The following TANGO6 variants were observed in gnomAD, a reference collection of about 807,000 sequenced individuals.
TANGO6 encodes the protein transport and Golgi organization protein 6 homolog.
TANGO6 carries 90 observed loss-of-function variants against 114.2 expected under a neutral mutation model. That is an observed-to-expected ratio of 0.79 (90% CI 0.66 to 0.94). The LOEUF is 0.94. Among genes scored for constraint, TANGO6 ranks in the 40% least tolerant of loss-of-function variants. The pLI, the probability that TANGO6 is intolerant of heterozygous loss-of-function variation, is 0.00. For missense variants in TANGO6, 1,274 were observed against 1,315.3 expected, an observed-to-expected ratio of 0.97 and a Z score of 0.49; for synonymous variants, 477 against 509.8, an observed-to-expected ratio of 0.94 and a Z score of 0.87.
intron 7 of TANGO6, among the ~76,000 whole-genome samples, chr16:68,881,289 G>A (rs1962458364): frequency 6.6e-6 from 1 of 152,142 alleles, no homozygotes; most frequent in South Asian, 2.1e-4. Flanking sequence ...CGAGGAGAGT[G>A]GATCACCTGA....
intron 14 of TANGO6, among the ~76,000 whole-genome samples, 199 bp downstream of exon 14, chr16:68,930,494 T>C (rs2092723926): frequency 6.6e-6 from 1 of 152,132 alleles, no homozygotes; most frequent in Admixed American, 6.6e-5. Context: ...AGAGTTTCAG[T>C]GTCTCATAAT....
Position 68,887,827 on chromosome 16 carries a change from C to T in TANGO6, c.1377+7197C>T, listed in dbSNP as rs1281086601. ...CCGGGAGGCAGAGGTTGCAGTGAGCCGAGATCATGCCACTGCACTCCAGCC... is the reference window on the plus strand; with the variant it reads ...CCGGGAGGCAGAGGTTGCAGTGAGCTGAGATCATGCCACTGCACTCCAGCC... On this transcript the variant is annotated intron_variant, in intron 7 of 17. Transcript: ENST00000261778. 3.3e-5 allele frequency among the ~76,000 whole-genome samples: 5 copies of T among 151,990 alleles called. No individual in the cohort carries two copies. In the South Asian group the frequency reaches 6.3e-4, roughly 19 times the overall value.
At chr16:69,040,798 A>G (rs1431285519) in intron 17 of TANGO6, among the ~76,000 whole-genome samples, 1 of 152,128 alleles carries the variant, frequency 6.6e-6, no homozygotes, top group African/African-American at 2.4e-5. Flanking sequence ...CTGAATTACT[A>G]AAGGGCCTCA....
At chr16:68,992,650 T>C (rs1963955074) in intron 15 of TANGO6, among the ~76,000 whole-genome samples, 1 of 152,198 alleles carries the variant, frequency 6.6e-6, no homozygotes, top group African/African-American at 2.4e-5. Context: ...GTACATGTAT[T>C]TGTTTCTGTG....
intron 17 of TANGO6, among the ~76,000 whole-genome samples, chr16:69,045,604 G>A (rs1379219198): frequency 1.3e-5 from 2 of 150,402 alleles, no homozygotes; most frequent in East Asian, 2.0e-4. Context: ...TTAGCTGGGT[G>A]TGGTGGTAGG....
chr16:69,000,598 T>C (rs963856757), intron 15 of TANGO6, among the ~76,000 whole-genome samples: 9 of 152,158 alleles, frequency 5.9e-5, no homozygotes, highest in African/African-American at 2.2e-4. Flanking sequence ...TTCTTTTTTT[T>C]TTCTTTTTTT....
chr16:68,998,496 C>T (rs183301850), intron 15 of TANGO6, among the ~76,000 whole-genome samples: 224 of 152,216 alleles, frequency 1.5e-3, no homozygotes, highest in African/African-American at 4.8e-3. Flanking sequence ...CTTTGGGAGG[C>T]TGAGGCGGGC....
chr16:68,892,622 C>G (rs1308056057), intron 7 of TANGO6, among the ~76,000 whole-genome samples: 1 of 151,190 alleles, frequency 6.6e-6, no homozygotes, highest in Non-Finnish European at 1.5e-5. Flanking sequence ...TCAAGGGATT[C>G]TCCTGCCTGA....
intron 7 of TANGO6, among the ~76,000 whole-genome samples, chr16:68,897,104 TG>T (rs1962715824): frequency 6.6e-6 from 1 of 152,082 alleles, no homozygotes. Context: ...GGTTTCACCA[TG>T]TTGGCCAGGC....
chr16:68,864,539 C>G (rs984846777), intron 3 of TANGO6, among the ~76,000 whole-genome samples: 1 of 152,010 alleles, frequency 6.6e-6, no homozygotes, highest in Non-Finnish European at 1.5e-5. Flanking sequence ...TGTGATCGGG[C>G]CACTGCACTT....
At chr16:68,979,425 TCA>T in intron 15 of TANGO6, among the ~76,000 whole-genome samples, 1 of 152,156 alleles carries the variant, frequency 6.6e-6, no homozygotes, top group South Asian at 2.1e-4. Context: ...AGATGGGGTT[TCA>T]TCATGTTGGC....
chr16:68,959,747 C>T (rs1368584373), intron 14 of TANGO6, among the ~76,000 whole-genome samples: 1 of 152,188 alleles, frequency 6.6e-6, no homozygotes, highest in Non-Finnish European at 1.5e-5. Flanking sequence ...GAAAGATCAG[C>T]CCTGTCTTGC....
At chr16:68,964,592 A>C (rs1300966217) in intron 14 of TANGO6, among the ~76,000 whole-genome samples, 2 of 141,538 alleles carry the variant, frequency 1.4e-5, no homozygotes, top group Non-Finnish European at 1.5e-5. Flanking sequence ...TTTGAGACAG[A>C]GTCTCGCTCT....
chr16:68,900,143 C>T (rs1426425605), intron 7 of TANGO6: 5 of 322,190 alleles, frequency 1.6e-5, no homozygotes, highest in Non-Finnish European at 2.8e-5. Flanking sequence ...CAGACATAGC[C>T]AAAAGTAGGA....
intron 9 of TANGO6, among the ~76,000 whole-genome samples, chr16:68,905,727 G>T (rs1413844005): frequency 1.3e-5 from 2 of 151,862 alleles, no homozygotes; most frequent in African/African-American, 4.8e-5. Context: ...ACAAAAATTA[G>T]TTGGTTGTGA....
chr16:68,867,296 T>G (rs1962193977), intron 4 of TANGO6, 76 bp downstream of exon 4: 2 of 1,583,534 alleles, frequency 1.3e-6, no homozygotes, highest in East Asian at 4.5e-5. Flanking sequence ...TTATTGGTCT[T>G]TAGTATTTAC....
intron 16 of TANGO6, among the ~76,000 whole-genome samples, chr16:69,033,262 G>A (rs929456334): frequency 6.6e-6 from 1 of 152,184 alleles, no homozygotes; most frequent in South Asian, 2.1e-4. Flanking sequence ...GAAAGCTCTT[G>A]AAGTCTCAGA....
intron 17 of TANGO6, among the ~76,000 whole-genome samples, chr16:69,066,172 C>T (rs979522931): frequency 2.6e-5 from 4 of 152,202 alleles, no homozygotes; most frequent in Non-Finnish European, 5.9e-5. Context: ...CCACCTCCCT[C>T]TTCCTCTCAC....
intron 15 of TANGO6, among the ~76,000 whole-genome samples, chr16:68,996,621 G>A (rs1422127188): frequency 6.6e-6 from 1 of 152,146 alleles, no homozygotes; most frequent in Non-Finnish European, 1.5e-5. Context: ...CATCCCTAGA[G>A]ATCCATATAC....
Sources: gnomAD v4.1 joint callset for allele counts (sites outside exome capture counted in the v4.1 genomes callset) on GRCh38, gnomAD v4.1.1 for gene constraint, MANE v1.5 for transcripts, NCBI Gene and HGNC (gene_info 2026-07-23, HGNC 2026-07-21) for gene names.